A3GALT2: variants seen among roughly 807,000 people sequenced by gnomAD.
A3GALT2 encodes the protein alpha-1,3-galactosyltransferase 2.
A neutral mutation model predicts 16.6 loss-of-function variants in A3GALT2; 14 were observed. The ratio of observed to expected loss-of-function variants is 0.84; its 90% CI spans 0.56 to 1.32. The LOEUF is 1.32. Ranked by LOEUF, A3GALT2 falls within the 40% of genes most tolerant of loss-of-function variation. The pLI, the probability that A3GALT2 is intolerant of heterozygous loss-of-function variation, is 0.00. For synonymous variants in A3GALT2, 253 were observed against 218.0 expected, an observed-to-expected ratio of 1.16 and a Z score of -1.42; for missense variants, 600 against 490.9, an observed-to-expected ratio of 1.22 and a Z score of -2.10.
At position 33,312,129 on chromosome 1, in the gene A3GALT2, A is replaced by G. The variant is rs764815429; in HGVS notation, c.258T>C (p.Ser86=). The G allele has an allele frequency of 3.7e-6, 6 of 1,613,572 alleles. No homozygotes were observed. The highest frequency in any genetic ancestry group is 4.2e-6 in the Non-Finnish European group (5 of 1,179,840). ...CTTGCTTGGCCACATCTGGGTCGAA[A>G]GAGCCATCCCAAATAATGGGAGCCC... ...PWGAPIIWDG[S]FDPDVAKQEA... is the part of the protein sequence containing the mutation. Residue 86 remains serine, a synonymous_variant, in exon 4 of 5, where the codon TCT becomes TCC. Transcript: ENST00000442999.
At chr1:33,315,006 G>C (rs957536872) in intron 1 of A3GALT2, among the ~76,000 whole-genome samples, 2 of 152,094 alleles carry the variant, frequency 1.3e-5, no homozygotes, top group African/African-American at 4.8e-5. Context: ...CAGTGTTTTC[G>C]GAGGTCAAGG....
At chr1:33,312,738 G>T in intron 2 of A3GALT2, 69 bp downstream of exon 2, 1 of 1,483,752 alleles carries the variant, frequency 6.7e-7, no homozygotes, top group Non-Finnish European at 9.3e-7. Flanking sequence ...CCTCAAGGAG[G>T]CACTTAGACA....
In A3GALT2 at chr1:33,307,373, A is replaced by G; in HGVS notation, c.416T>C (p.Val139Ala). 1 of 1,560,414 alleles carries G rather than the reference A, an allele frequency of 6.4e-7. No homozygotes were observed. Among genetic ancestry groups the G allele is most frequent in the Non-Finnish European group, 8.6e-7 (1 of 1,160,310 alleles). Residue 139 changes from valine to alanine, a missense_variant, in exon 5 of 5, where the codon GTG becomes GCG. By Grantham distance (64) the Val-to-Ala change is moderately conservative. Transcript: ENST00000442999. ...FMAGQSVMYY[V>A]FTELPGAVPR... ...CACCGCTCCCGGAAGCTCGGTGAAC[A>G]CGTAGTACATCACGCTCTGGCCCGC...
At chr1:33,313,378 GCCC>G (rs1646245930) in intron 1 of A3GALT2, 2 of 146,444 alleles carry the variant, frequency 1.4e-5, no homozygotes, top group Admixed American at 6.9e-5. Context: ...TTGCTATGTT[GCCC>G]ACGCTTGTCT....
rs1261800626 is a variant in A3GALT2 at position 33,312,873 on chromosome 1, A to G, written c.41T>C (p.Phe14Ser). 4 of 1,606,426 alleles carry G rather than the reference A, an allele frequency of 2.5e-6. No homozygotes were observed. In the South Asian group the frequency reaches 4.5e-5, roughly 18 times the overall value. The change falls in exon 2 of 5, where the codon TTC (phenylalanine) becomes TCC (serine). Residue 14 changes from phenylalanine to serine, a missense_variant. Phe to Ser is a radical substitution (Grantham distance 155). Transcript: ENST00000442999. ...AAGTGTAAGTAGGATCTGCCGCCAG[A>G]AGATTCTCTTCCAGGCCCTGGGGGC... Reference protein sequence around the residue: ...KEGLRAWKRIFWRQILLTLGL... With the variant: ...KEGLRAWKRISWRQILLTLGL...
intron 1 of A3GALT2, among the ~76,000 whole-genome samples, chr1:33,317,908 G>A (rs1236440290): frequency 2.6e-5 from 4 of 152,226 alleles, no homozygotes; most frequent in Middle Eastern, 3.4e-3. Flanking sequence ...AAAAAATTTC[G>A]GATTCTAGAG....
chr1:33,311,178 C>T (rs1646230985), intron 4 of A3GALT2, among the ~76,000 whole-genome samples: 2 of 152,180 alleles, frequency 1.3e-5, no homozygotes, highest in African/African-American at 4.8e-5. Flanking sequence ...CACTGTCAGC[C>T]AAGAGTCCCC....
chr1:33,313,355 TA>T (rs1163144446), intron 1 of A3GALT2: 1 of 151,574 alleles, frequency 6.6e-6, no homozygotes, highest in East Asian at 1.9e-4. Context: ...TTTTTTTTTT[TA>T]GAGATGGGGT....
Position 33,312,819 on chromosome 1 carries a change from A to G in A3GALT2, c.95T>C (p.Leu32Pro). The G allele has an allele frequency of 6.2e-7, 1 of 1,601,522 alleles. No individual in the cohort carries two copies. The highest frequency in any genetic ancestry group is 8.5e-7 in the Non-Finnish European group (1 of 1,174,010). ...LGLLGLFLYG[L>P]PKFRHLEALI... Reference sequence around the variant, plus strand: ...AAGGGGCTTTTACCTGAATTTAGGGAGGCCATACAGAAACAGGCCTAAGAG... The same window carrying G: ...AAGGGGCTTTTACCTGAATTTAGGGGGGCCATACAGAAACAGGCCTAAGAG... Residue 32 changes from leucine to proline, a missense_variant, in exon 2 of 5, where the codon CTC (leucine) becomes CCC (proline). Coordinates refer to ENST00000442999, the MANE Select transcript of A3GALT2 (RefSeq NM_001080438.1).
rs4074333 is a variant in A3GALT2, at chr1:33,307,278, C to A, written c.511G>T (p.Asp171Tyr). 1 of 1,428,012 alleles carries A rather than the reference C, an allele frequency of 7.0e-7. No homozygotes were observed. The allele number at this position is 1,428,012 out of a possible 1,614,324, so 88.5% of individuals were successfully genotyped here. ...ERVARERRWQ[D>Y]VSMARMRTLH... ...GTGCGCATGCGCGCCATCGACACGT[C>A]TTGCCAGCGCCGCTCGCGCGCCACG... The change falls in exon 5 of 5, where the codon GAC becomes TAC. Residue 171 changes from aspartate to tyrosine, a missense_variant. Coordinates refer to ENST00000442999, the MANE Select transcript of A3GALT2 (RefSeq NM_001080438.1).
In A3GALT2 at chr1:33,316,511, T is replaced by C. The variant is rs367865957; in HGVS notation, c.24-3621A>G. On this transcript the variant is annotated intron_variant, in intron 1 of 4. Transcript: ENST00000442999. ...ACCTGAAAGTACTCCAGCTGAAATC[T>C]GGAGCCTGGCCATGGTGGGGTGGCA... 3.3e-5 allele frequency among the ~76,000 whole-genome samples: 5 copies of C among 152,264 alleles called. No individual in the cohort carries two copies. In the East Asian group the frequency reaches 5.8e-4, roughly 18 times the overall value.
chr1:33,310,680 T>C (rs1450783968), intron 4 of A3GALT2, among the ~76,000 whole-genome samples: 1 of 152,214 alleles, frequency 6.6e-6, no homozygotes, highest in Non-Finnish European at 1.5e-5. Context: ...TTGCACTTGC[T>C]CTATTCCTGG....
At chr1:33,315,628 G>C (rs1363935202) in intron 1 of A3GALT2, among the ~76,000 whole-genome samples, 1 of 152,196 alleles carries the variant, frequency 6.6e-6, no homozygotes, top group Non-Finnish European at 1.5e-5. Flanking sequence ...GCTGGTGGGA[G>C]TGTAAATTGC....
At chr1:33,312,018 C>T in intron 4 of A3GALT2, 34 bp downstream of exon 4, 1 of 1,612,342 alleles carries the variant, frequency 6.2e-7, no homozygotes, top group Non-Finnish European at 8.5e-7. Context: ...CCACTCACAG[C>T]TTTGACAGCA....
rs182792637 is a variant in A3GALT2 at position 33,320,857 on chromosome 1, A to G, written c.23+219T>C. Among the ~76,000 whole-genome samples, 45 of 149,054 alleles carry G rather than the reference A, an allele frequency of 3.0e-4. No homozygotes were observed. The highest frequency in any genetic ancestry group is 1.1e-3 in the African/African-American group (45 of 40,422). On this transcript the variant is annotated intron_variant, in intron 1 of 4. Coordinates refer to ENST00000442999, the MANE Select transcript of A3GALT2 (RefSeq NM_001080438.1). The surrounding 1 kb of genome is among the most constrained non-coding windows in gnomAD (Gnocchi z 4.3). ...TGGCTACAAAATCTTGTGGAATACA[A>G]CCTCCCCCACCCCGGTGTCCATGCA...
At chr1:33,307,482 A>T in intron 4 of A3GALT2, 29 bp from the exon 5 acceptor site, 1 of 1,442,960 alleles carries the variant, frequency 6.9e-7, no homozygotes, top group South Asian at 1.4e-5. Context: ...CGTCAGCCTG[A>T]GAGTGAAGCG....
intron 4 of A3GALT2, among the ~76,000 whole-genome samples, chr1:33,308,750 GTTTTTTTTTTTTTTTT>G (rs56655319): frequency 1.3e-4 from 6 of 46,128 alleles, no homozygotes; most frequent in South Asian, 1.0e-3. Flanking sequence ...TGTCAAAGTT[GTTTTTTTTTTTTTTTT>G]TTTTTTTTTT....
At chr1:33,308,566 G>A (rs1461915943) in intron 4 of A3GALT2, among the ~76,000 whole-genome samples, 4 of 151,724 alleles carry the variant, frequency 2.6e-5, no homozygotes, top group East Asian at 1.9e-4. Context: ...CACCACGCCC[G>A]GCCAATTTTT....
chr1:33,319,804 C>T (rs1035340127), intron 1 of A3GALT2, among the ~76,000 whole-genome samples: 2 of 152,168 alleles, frequency 1.3e-5, no homozygotes, highest in African/African-American at 4.8e-5. Context: ...GTTCTACCCC[C>T]TGGGGATCAA....
Sources: allele counts gnomAD v4.1 joint callset (sites outside exome capture counted in the v4.1 genomes callset), GRCh38; gene constraint gnomAD v4.1.1; non-coding constraint Gnocchi (gnomAD v3.1); transcripts MANE v1.5; gene names NCBI Gene and HGNC (gene_info 2026-07-23, HGNC 2026-07-21).